Variants in FARSB observed in about 807,000 individuals in gnomAD.
The protein encoded by FARSB is phenylalanine--tRNA ligase beta subunit.
A neutral mutation model predicts 69.6 loss-of-function variants in FARSB; 40 were observed. The observed-to-expected ratio is 0.57, with a 90% CI of 0.45 to 0.75. The LOEUF (loss-of-function observed/expected upper bound fraction) is 0.75, where lower values mean the gene tolerates loss of function less well. Ranked by LOEUF, FARSB falls within the 30% of genes least tolerant of loss-of-function variation. The pLI, the probability that FARSB is intolerant of heterozygous loss-of-function variation, is 0.00. For missense variants in FARSB, 632 were observed against 722.9 expected (o/e 0.87, Z 1.44); for synonymous variants, 235 against 247.2 (o/e 0.95, Z 0.46).
At chr2:222,605,161 T>TCTCTCTCTCTCTCTCTCTCTC (rs1690667824) in intron 15 of FARSB, among the ~76,000 whole-genome samples, 1 of 132,674 alleles carries the variant, frequency 7.5e-6, no homozygotes, top group Non-Finnish European at 1.6e-5. Context: ...AATACAAACT[T>TCTCTCTCTCTCTCTCTCTCTC]TCTCTCTCTC....
At chr2:222,648,990 G>A (rs1212949148) in intron 1 of FARSB, among the ~76,000 whole-genome samples, 195 bp from the exon 2 acceptor site, 1 of 152,114 alleles carries the variant, frequency 6.6e-6, no homozygotes, top group Non-Finnish European at 1.5e-5. Flanking sequence ...ACTTTGGGAG[G>A]CCAATGTGTG....
chr2:222,589,055 C>T (rs1298183173), intron 16 of FARSB, among the ~76,000 whole-genome samples: 4 of 152,178 alleles, frequency 2.6e-5, no homozygotes, highest in African/African-American at 4.8e-5. Flanking sequence ...CTTGCCAAGA[C>T]AATCCTAAGC....
chr2:222,588,653 T>G (rs1305696062), intron 16 of FARSB, among the ~76,000 whole-genome samples: 2 of 152,184 alleles, frequency 1.3e-5, no homozygotes, highest in Non-Finnish European at 2.9e-5. Context: ...ATAAGCAACT[T>G]CAGCAAAGTC....
chr2:222,653,645 T>G (rs1239769100), intron 1 of FARSB, among the ~76,000 whole-genome samples: 2 of 152,150 alleles, frequency 1.3e-5, no homozygotes, highest in Non-Finnish European at 1.5e-5. Context: ...TTTTTTTTTT[T>G]TCTGAGACAG....
chr2:222,624,651 C>CAA, intron 11 of FARSB, 63 bp downstream of exon 11: 12 of 1,036,374 alleles, frequency 1.2e-5, no homozygotes, highest in South Asian at 1.6e-5. Context: ...TGAAGGATCG[C>CAA]AAAAAAAAAA....
chr2:222,601,766 C>T (rs1328732912), intron 15 of FARSB, among the ~76,000 whole-genome samples: 1 of 152,176 alleles, frequency 6.6e-6, no homozygotes, highest in African/African-American at 2.4e-5. Flanking sequence ...TGGGCTCAAG[C>T]AATCCTCCCA....
chr2:222,581,521 T>C (rs1254309369), intron 16 of FARSB, among the ~76,000 whole-genome samples: 1 of 152,180 alleles, frequency 6.6e-6, no homozygotes, highest in African/African-American at 2.4e-5. Flanking sequence ...AGCAAGCATT[T>C]AGTTATTAAA....
At chr2:222,617,607 A>G (rs1233735477) in intron 14 of FARSB, among the ~76,000 whole-genome samples, 1 of 152,238 alleles carries the variant, frequency 6.6e-6, no homozygotes, top group Non-Finnish European at 1.5e-5. Flanking sequence ...CAAAAGGCCA[A>G]GCGAGGTGGC....
intron 16 of FARSB, among the ~76,000 whole-genome samples, chr2:222,598,717 G>A (rs972508694): frequency 1.3e-5 from 2 of 152,080 alleles, no homozygotes; most frequent in Non-Finnish European, 1.5e-5. Context: ...AAGGATACTG[G>A]GAGGCAGAAG....
intron 15 of FARSB, among the ~76,000 whole-genome samples, chr2:222,610,218 G>A (rs555214195): frequency 1.5e-4 from 23 of 152,262 alleles, no homozygotes; most frequent in Non-Finnish European, 2.6e-4. Flanking sequence ...TTTTGAACCA[G>A]TAGTTTAGGT....
chr2:222,651,359 C>G (rs1416289936), intron 1 of FARSB, among the ~76,000 whole-genome samples: 1 of 152,096 alleles, frequency 6.6e-6, no homozygotes, highest in African/African-American at 2.4e-5. Context: ...CAAAAATGAG[C>G]CAGGATGTTG....
chr2:222,621,982 CA>C (rs955282314), intron 13 of FARSB, among the ~76,000 whole-genome samples: 3 of 152,254 alleles, frequency 2.0e-5, no homozygotes, highest in African/African-American at 7.2e-5. Flanking sequence ...GACAGCTAAA[CA>C]GACTGTTTCT....
At chr2:222,647,284 C>T (rs1691890250) in intron 2 of FARSB, among the ~76,000 whole-genome samples, 1 of 152,188 alleles carries the variant, frequency 6.6e-6, no homozygotes. Flanking sequence ...CAGCTAGCCT[C>T]TGCTCGGAGG....
In FARSB at chr2:222,655,913, C is replaced by T. The variant is rs976215540; in HGVS notation, c.58+103G>A. 3 of 985,966 alleles carry T rather than the reference C, an allele frequency of 3.0e-6. No homozygotes were observed. The African/African-American group carries it at 4.9e-5, about 16-fold the overall frequency. The allele number at this position is 985,966 out of a possible 1,614,324, so 61.1% of individuals were successfully genotyped here. The stretch of plus-strand genomic sequence containing the variant: ...CGCGTAAACCCCGGCCTCCCGGAGC[C>T]AAAACCTTCAGGAAGGCATGAATGT... On this transcript the variant is annotated intron_variant, in intron 1 of 16. Coordinates refer to ENST00000281828, the MANE Select transcript of FARSB (RefSeq NM_005687.5).
At chr2:222,629,727 T>A (rs551538081) in intron 9 of FARSB, among the ~76,000 whole-genome samples, 1 of 152,222 alleles carries the variant, frequency 6.6e-6, no homozygotes, top group Non-Finnish European at 1.5e-5. Context: ...ACATTTTTAA[T>A]CTTTATATTT....
At chr2:222,596,490 G>C (rs1482154751) in intron 16 of FARSB, among the ~76,000 whole-genome samples, 1 of 152,104 alleles carries the variant, frequency 6.6e-6, no homozygotes, top group East Asian at 1.9e-4. Context: ...AACAGACTTA[G>C]CTCAATTATA....
intron 16 of FARSB, among the ~76,000 whole-genome samples, chr2:222,592,237 T>A (rs1366077946): frequency 6.6e-6 from 1 of 152,184 alleles, no homozygotes; most frequent in African/African-American, 2.4e-5. Flanking sequence ...GCTCAGGAGA[T>A]CACTCCACAT....
At chr2:222,617,564 G>A (rs1259247908) in intron 14 of FARSB, among the ~76,000 whole-genome samples, 3 of 152,174 alleles carry the variant, frequency 2.0e-5, no homozygotes, top group South Asian at 2.1e-4. Context: ...TTAGACCCAC[G>A]CATGTACTAA....
chr2:222,624,703 T>C lies in FARSB; in HGVS notation c.962+11A>G, dbSNP rs141222148. The C allele has an allele frequency of 5.3e-3, 8,395 of 1,582,088 alleles. 170 individuals carry two copies. Among genetic ancestry groups the C allele is most frequent in the Admixed American group, 0.036 (2,081 of 57,102 alleles). On this transcript the variant is annotated intron_variant, in intron 11 of 16. Transcript: ENST00000281828. The stretch of plus-strand genomic sequence containing the variant: ...TTTGTTCTTGAATTAAGTGAAGTTT[T>C]CAGAGCATACCTGATTCCAACTTTT...
Sources: gnomAD v4.1 joint callset for allele counts (sites outside exome capture counted in the v4.1 genomes callset) on GRCh38, gnomAD v4.1.1 for gene constraint, MANE v1.5 for transcripts, NCBI Gene and HGNC (gene_info 2026-07-23, HGNC 2026-07-21) for gene names.